Variants in NLRC5 observed in about 807,000 individuals in gnomAD.
NLRC5 encodes the protein protein NLRC5.
In NLRC5, 114 loss-of-function variants were observed where a neutral mutation model predicts 206.9. The ratio of observed to expected loss-of-function variants is 0.55; its 90% confidence interval spans 0.47 to 0.64. The LOEUF (loss-of-function observed/expected upper bound fraction) is 0.64, where lower values mean the gene tolerates loss of function less well. Ranked by LOEUF, NLRC5 falls within the 30% of genes least tolerant of loss-of-function variation. NLRC5 has a pLI of 0.00. For synonymous variants in NLRC5, 952 were observed against 962.8 expected (o/e 0.99, Z 0.21); for missense variants, 2,008 against 2,305.5 (o/e 0.87, Z 2.64).
At chr16:57,037,735 C>G (rs568271305) in intron 15 of NLRC5, among the ~76,000 whole-genome samples, 154 of 152,288 alleles carry the variant, frequency 1.0e-3, no homozygotes, top group Non-Finnish European at 1.9e-3. Context: ...GACCCCCTAC[C>G]CCACTCACAG....
chr16:57,048,583 G>C (rs2064335093), intron 23 of NLRC5, among the ~76,000 whole-genome samples: 1 of 152,156 alleles, frequency 6.6e-6, no homozygotes, highest in Non-Finnish European at 1.5e-5. Context: ...GCCCAGGCTG[G>C]AGTGCAATGG....
chr16:57,047,711 C>A, intron 23 of NLRC5, 83 bp downstream of exon 23: 2 of 1,160,072 alleles, frequency 1.7e-6, no homozygotes, highest in Non-Finnish European at 2.5e-6. Flanking sequence ...GGTTAGAAGA[C>A]AGGTGAGTCT....
rs781712880 is a variant in NLRC5, at chr16:57,026,780, G to A, written c.1837G>A (p.Val613Ile). The A allele has an allele frequency of 6.2e-7, 1 of 1,614,156 alleles. No homozygotes were observed. The highest frequency in any genetic ancestry group is 1.1e-5 in the South Asian group (1 of 91,084). Residue 613 changes from valine (V) to isoleucine (I), a missense_variant, in exon 6 of 49, where the codon GTA becomes ATA. By Grantham distance (29) the Val-to-Ile change is conservative (BLOSUM62 3). Transcript: ENST00000688547. Reference sequence around the variant, plus strand: ...CCGCAAGCTCACAGGGCCAAAGGTTGTAGAGCTGTGTCACTGTGTGGATGA... The same window carrying A: ...CCGCAAGCTCACAGGGCCAAAGGTTATAGAGCTGTGTCACTGTGTGGATGA... ...ATRKLTGPKV[V>I]ELCHCVDETQ...
At chr16:57,066,697 C>A in intron 34 of NLRC5, 83 bp downstream of exon 34, 1 of 1,239,310 alleles carries the variant, frequency 8.1e-7, no homozygotes, top group Non-Finnish European at 1.2e-6. Flanking sequence ...ATTCACCACC[C>A]TGCCCAGAGA....
At chr16:56,998,689 G>T (rs1240181865) in intron 1 of NLRC5, among the ~76,000 whole-genome samples, 1 of 152,176 alleles carries the variant, frequency 6.6e-6, no homozygotes, top group African/African-American at 2.4e-5. Flanking sequence ...AAACAGTATT[G>T]CTGTTTGTTG....
rs980841429 is a variant in NLRC5, at chr16:57,079,574, A to G, written c.5266A>G (p.Thr1756Ala). The change falls in exon 46 of 49, where the codon ACT (threonine) becomes GCT (alanine). Residue 1756 changes from threonine (T) to alanine (A), a missense_variant. By Grantham distance (58) the Thr-to-Ala change is moderately conservative (BLOSUM62 0). Transcript: ENST00000688547. ...DLVSCKIDNQ[T>A]AKLLTSSFTS... ...GGTTTCCTGTAAGATTGACAACCAG[A>G]CTGCCAAGCTCCTCACCTCCAGCTT... 6.2e-7 allele frequency: 1 copy of G among 1,614,094 alleles called. No homozygotes were observed. The highest frequency in any genetic ancestry group is 8.5e-7 in the Non-Finnish European group (1 of 1,179,966).
intron 1 of NLRC5, among the ~76,000 whole-genome samples, chr16:57,003,394 C>T (rs1475564557): frequency 6.6e-6 from 1 of 152,132 alleles, no homozygotes; most frequent in Non-Finnish European, 1.5e-5. Context: ...TCAGGGATTC[C>T]ACATGCCCCA....
At chr16:57,002,635 GTTTTTTTTTGT>G (rs1192375583) in intron 1 of NLRC5, among the ~76,000 whole-genome samples, 1 of 99,608 alleles carries the variant, frequency 1.0e-5, no homozygotes, top group Admixed American at 1.5e-4. Context: ...ATTTAGTTTA[GTTTTTTTTTGT>G]TTTTTTTTTT....
At position 56,994,408 on chromosome 16, in the gene NLRC5, T is replaced by C. The variant is rs369545825; in HGVS notation, c.-128+4791T>C. Among the ~76,000 whole-genome samples, 12 of 152,196 alleles carry C rather than the reference T, an allele frequency of 7.9e-5. No individual in the cohort carries two copies. In the East Asian group the frequency reaches 1.9e-3, roughly 24 times the overall value. ...TGCCATCATGAGTGCATTCAGCTTCTCCACTGAGCTTCCACACACCAGGCC... is the reference window on the plus strand; with the variant it reads ...TGCCATCATGAGTGCATTCAGCTTCCCCACTGAGCTTCCACACACCAGGCC... On this transcript the variant is annotated intron_variant, in intron 1 of 48. Coordinates refer to ENST00000688547, the MANE Select transcript of NLRC5 (RefSeq NM_001384950.1).
Position 57,026,588 on chromosome 16 carries a change from C to T in NLRC5, c.1645C>T (p.Gln549Ter), listed in dbSNP as rs762610831. The change falls in exon 6 of 49, where the codon CAG (glutamine) becomes TAG (stop). Residue 549 changes from glutamine to a stop codon, truncating the protein, a stop_gained. Coordinates refer to ENST00000688547, the MANE Select transcript of NLRC5 (RefSeq NM_001384950.1). LOFTEE classifies it high-confidence loss of function. ...QYVTLHSRWVQRTKARLGLSD... is the reference protein window; with the variant it reads ...QYVTLHSRWV ...TGTTACCCTCCATTCCCGCTGGGTA[C>T]AGCGGACCAAAGCTAGACTGGGCCT... is the stretch of plus-strand genomic sequence containing the variant. 1.2e-6 allele frequency: 2 copies of T among 1,614,218 alleles called. No individual in the cohort carries two copies. The highest frequency in any genetic ancestry group is 1.7e-6 in the Non-Finnish European group (2 of 1,180,034).
chr16:57,019,187 G>A (rs1369520536), intron 2 of NLRC5, among the ~76,000 whole-genome samples: 1 of 152,202 alleles, frequency 6.6e-6, no homozygotes, highest in Non-Finnish European at 1.5e-5. Flanking sequence ...CCTGAGGTCA[G>A]GAGTTTGAGC....
In NLRC5 at chr16:57,070,972, T is replaced by C. The variant is rs566371056; in HGVS notation, c.4667+354T>C. Among the ~76,000 whole-genome samples the C allele has an allele frequency of 2.1e-3, 153 of 71,860 alleles. 9 individuals are homozygous for C. Among genetic ancestry groups the C allele is most frequent in the African/African-American group, 6.8e-3 (145 of 21,182 alleles). The allele number at this position is 71,860 out of a possible 152,430, so 47.1% of individuals were successfully genotyped here. A position where few individuals can be genotyped will look rare whatever the true frequency, so the allele number is the denominator to read the frequency against. On this transcript the variant is annotated intron_variant, in intron 38 of 48. Coordinates refer to ENST00000688547, the MANE Select transcript of NLRC5 (RefSeq NM_001384950.1). ...GGTGGTTAATGGGGAAGGAGATGAG[T>C]GAGTGGTGTTGGTGGTTAATGGGGA...
At chr16:57,017,631 G>A (rs56285233) in intron 2 of NLRC5, among the ~76,000 whole-genome samples, 9,814 of 152,070 alleles carry the variant, frequency 0.065, 349 homozygotes, top group South Asian at 0.092. Context: ...AGGCTAACAG[G>A]GTAGCCATGA....
chr16:57,078,080 G>GT, intron 43 of NLRC5, 60 bp downstream of exon 43: 4 of 1,351,828 alleles, frequency 3.0e-6, no homozygotes, highest in East Asian at 2.5e-5. Context: ...CTCGGGAGCA[G>GT]TGGGGGGGTC....
chr16:57,026,494 G>A lies in NLRC5; in HGVS notation c.1551G>A (p.Leu517=), dbSNP rs780083332. ...QTGYAFTHLS[L]QEFLAALHLM... ...GCTATGCTTTCACCCACCTCAGCCT[G>A]CAGGAGTTTCTTGCTGCCCTGCACC... Residue 517 remains leucine, a synonymous_variant, in exon 6 of 49, where the codon CTG becomes CTA. Transcript: ENST00000688547. 5.0e-6 allele frequency: 8 copies of A among 1,613,976 alleles called. No individual in the cohort carries two copies. Among genetic ancestry groups the A allele is most frequent in the Middle Eastern group, 1.6e-4 (1 of 6,084 alleles).
intron 33 of NLRC5, 99 bp downstream of exon 33, chr16:57,065,397 C>A: frequency 2.6e-6 from 2 of 771,028 alleles, no homozygotes; most frequent in Non-Finnish European, 3.8e-6. Context: ...ATAGCTGTGT[C>A]ACCAGCTAGT....
chr16:57,037,014 G>A (rs1434634979), intron 14 of NLRC5, among the ~76,000 whole-genome samples, 181 bp from the exon 15 acceptor site: 2 of 152,102 alleles, frequency 1.3e-5, no homozygotes, highest in Non-Finnish European at 2.9e-5. Flanking sequence ...TGGGATGGGG[G>A]TGTCATGCAT....
Position 57,082,429 on chromosome 16 carries a change from C to T in NLRC5, c.5502C>T (p.Asn1834=). 6.2e-7 allele frequency: 1 copy of T among 1,612,982 alleles called. No individual in the cohort carries two copies. The highest frequency in any genetic ancestry group is 8.5e-7 in the Non-Finnish European group (1 of 1,179,268). Residue 1834 remains asparagine (N), a synonymous_variant, in exon 49 of 49, where the codon AAC becomes AAT. Coordinates refer to ENST00000688547, the MANE Select transcript of NLRC5 (RefSeq NM_001384950.1). Reference sequence around the variant, plus strand: ...CTGTGCCCCACAGCCTCTGGAATAACCCCATTCCCTGCGACATGGCCCAGC... The same window carrying T: ...CTGTGCCCCACAGCCTCTGGAATAATCCCATTCCCTGCGACATGGCCCAGC... ...SSIQVIRLWN[N]PIPCDMAQHL...
At position 57,076,843 on chromosome 16, in the gene NLRC5, T is replaced by C. The variant is rs2068465936; in HGVS notation, c.4776T>C (p.Asp1592=). 1 of 1,614,150 alleles carries C rather than the reference T, an allele frequency of 6.2e-7. No homozygotes were observed. The highest frequency in any genetic ancestry group is 8.5e-7 in the Non-Finnish European group (1 of 1,180,046). Residue 1592 remains aspartate (D), a synonymous_variant, in exon 40 of 49, where the codon GAT becomes GAC. Transcript: ENST00000688547. ...GACTGAACAGGAACAGTATCGGTGA[T>C]GTCGGTTGCTGCCACCTTTCTGAGG... ...SLRLNRNSIG[D]VGCCHLSEAL... is the part of the protein sequence containing the mutation.
Sources: allele counts gnomAD v4.1 joint callset (sites outside exome capture counted in the v4.1 genomes callset), GRCh38; gene constraint gnomAD v4.1.1; transcripts MANE v1.5; gene names NCBI Gene and HGNC (gene_info 2026-07-23, HGNC 2026-07-21).